ZNF816: variants seen among roughly 807,000 people sequenced by gnomAD.
The protein encoded by ZNF816 is zinc finger protein 816.
In ZNF816, 11 loss-of-function variants were observed where a neutral mutation model predicts 8.3. The ratio of observed to expected loss-of-function variants is 1.32; its 90% confidence interval spans 0.83 to 2.19. The LOEUF (loss-of-function observed/expected upper bound fraction) is 2.19. ZNF816 is among the 30% of genes most tolerant of loss of function. ZNF816 has a pLI of 0.00. For missense variants in ZNF816, 710 were observed against 779.3 expected, an observed-to-expected ratio of 0.91 and a Z score of 1.06; for synonymous variants, 255 against 254.5, an observed-to-expected ratio of 1.00 and a Z score of -0.02.
At chr19:52,952,246 G>A (rs2083466298) in intron 3 of ZNF816, among the ~76,000 whole-genome samples, 1 of 151,976 alleles carries the variant, frequency 6.6e-6, no homozygotes, top group African/African-American at 2.4e-5. Flanking sequence ...GCATGTGCCT[G>A]TAATTCCAGT....
intron 2 of ZNF816, among the ~76,000 whole-genome samples, chr19:52,955,247 A>G (rs892879986): frequency 1.3e-5 from 2 of 152,228 alleles, no homozygotes; most frequent in Non-Finnish European, 2.9e-5. Context: ...AGAATGATTT[A>G]AAGAATCCCC....
Position 52,949,705 on chromosome 19 carries a change from T to C in ZNF816, c.*114A>G. On this transcript the variant is annotated 3_prime_UTR_variant, in exon 4 of 4. Coordinates refer to ENST00000444460, the MANE Select transcript of ZNF816 (RefSeq NM_001202457.3). ...GAGTTCACTGATGAACTACAAGTTA[T>C]GAATGACGTCTGAAAAATTTGCCAC... The C allele has an allele frequency of 4.0e-6, 6 of 1,496,470 alleles. No homozygotes were observed. The highest frequency in any genetic ancestry group is 1.2e-5 in the South Asian group (1 of 86,674). The allele number at this position is 1,496,470 out of a possible 1,614,324, so 92.7% of individuals were successfully genotyped here.
At chr19:52,962,650 C>G (rs1366108451) in intron 1 of ZNF816, 77 bp downstream of exon 1, 1 of 152,244 alleles carries the variant, frequency 6.6e-6, no homozygotes. Flanking sequence ...TGCACGGCCC[C>G]ACTGCAGAAA....
At position 52,949,513 on chromosome 19, in the gene ZNF816, A is replaced by G; in HGVS notation, c.*306T>C. The G allele has an allele frequency of 1.7e-6, 1 of 600,836 alleles. No homozygotes were observed. Among genetic ancestry groups the G allele is most frequent in the Non-Finnish European group, 3.2e-6 (1 of 314,202 alleles). 37.2% of individuals were successfully genotyped at this position (600,836 alleles called of 1,614,324 possible). A position where few individuals can be genotyped will look rare whatever the true frequency, so the allele number is the denominator to read the frequency against. ...TACATTTGTAAGGCATCTGTCCAGT[A>G]TGAATTCTCTGATGTCTAATGAGGT... On this transcript the variant is annotated 3_prime_UTR_variant, in exon 4 of 4. Coordinates refer to ENST00000444460, the MANE Select transcript of ZNF816 (RefSeq NM_001202457.3).
intron 1 of ZNF816, among the ~76,000 whole-genome samples, chr19:52,959,049 C>T (rs562261576): frequency 2.0e-5 from 3 of 152,338 alleles, no homozygotes; most frequent in South Asian, 2.1e-4. Context: ...ACTGTGGGGC[C>T]CTGGCCGAGG....
At chr19:52,952,448 C>T (rs911964760) in intron 3 of ZNF816, 12 of 461,018 alleles carry the variant, frequency 2.6e-5, no homozygotes, top group South Asian at 9.1e-5. Flanking sequence ...CTTTCTATCT[C>T]GTATCCTGGG....
rs1456324238 is a variant in ZNF816 at position 52,956,065 on chromosome 19, T to C, written c.25A>G (p.Lys9Glu). 2 of 1,611,678 alleles carry C rather than the reference T, an allele frequency of 1.2e-6. No individual in the cohort carries two copies. Among genetic ancestry groups the C allele is most frequent in the Admixed American group, 1.7e-5 (1 of 58,980 alleles). The change falls in exon 2 of 4, where the codon AAG becomes GAG. Residue 9 changes from lysine (K) to glutamate (E), a missense_variant. Coordinates refer to ENST00000444460, the MANE Select transcript of ZNF816 (RefSeq NM_001202457.3). ...ATCCCTGGCTCCTTTTCTTTGCTCT[T>C]CTTGGTGGCTTCCTCACGTAACATG... MLREEATK[K>E]SKEKEPGMAL...
chr19:52,956,090 G>A lies in ZNF816; in HGVS notation c.-1C>T, dbSNP rs2083507805. ...TCTTGGTGGCTTCCTCACGTAACAT[G>A]AGTCTTTGGAAATCCTGTATGTTAA... On this transcript the variant is annotated 5_prime_UTR_variant, in exon 2 of 4. Transcript: ENST00000444460. 3.1e-6 allele frequency: 5 copies of A among 1,607,566 alleles called. No homozygotes were observed. The highest frequency in any genetic ancestry group is 1.4e-5 in the African/African-American group (1 of 74,040).
At chr19:52,962,044 A>C (rs922801448) in intron 1 of ZNF816, among the ~76,000 whole-genome samples, 8 of 152,190 alleles carry the variant, frequency 5.3e-5, no homozygotes, top group Non-Finnish European at 1.0e-4. Context: ...CAGCACAACA[A>C]GGACAGTCAC....
chr19:52,955,552 T>C (rs2083502670), intron 2 of ZNF816, among the ~76,000 whole-genome samples: 1 of 152,350 alleles, frequency 6.6e-6, no homozygotes, highest in South Asian at 2.1e-4. Flanking sequence ...CAGAGACATA[T>C]TGACTCACTA....
At chr19:52,953,551 TATATATAATATGTATTTATAAAA>T (rs2083482309) in intron 2 of ZNF816, among the ~76,000 whole-genome samples, 1 of 44,684 alleles carries the variant, frequency 2.2e-5, no homozygotes, top group Non-Finnish European at 3.6e-5. Flanking sequence ...AATACAATAT[TATATATAATATGTATTTATAAAA>T]TATAATATAT....
chr19:52,956,373 C>G (rs1055835489), intron 1 of ZNF816: 3 of 318,240 alleles, frequency 9.4e-6, no homozygotes, highest in African/African-American at 6.4e-5. Flanking sequence ...CTAGCCCTAA[C>G]CAAACTCCAT....
chr19:52,950,087 T>A lies in ZNF816; in HGVS notation c.1688A>T (p.Lys563Ile), dbSNP rs1049239244. 6.2e-6 allele frequency: 10 copies of A among 1,614,012 alleles called. No individual in the cohort carries two copies. Among genetic ancestry groups the A allele is most frequent in the Non-Finnish European group, 8.5e-6 (10 of 1,179,990 alleles). Reference sequence around the variant, plus strand: ...CGCACATTTATTACACTTGTAAGGTTTCTCTCCAGTATGAACTCTCGTATG... The same window carrying A: ...CGCACATTTATTACACTTGTAAGGTATCTCTCCAGTATGAACTCTCGTATG... The part of the protein sequence containing the change: ...ANHTRVHTGE[K>I]PYKCNKCAKV... Residue 563 changes from lysine to isoleucine, a missense_variant, in exon 4 of 4, where the codon AAA (lysine) becomes ATA (isoleucine). Coordinates refer to ENST00000444460, the MANE Select transcript of ZNF816 (RefSeq NM_001202457.3).
At chr19:52,952,563 TA>T in intron 3 of ZNF816, 187 bp downstream of exon 3, 2 of 1,141,398 alleles carry the variant, frequency 1.8e-6, no homozygotes, top group Non-Finnish European at 2.4e-6. Flanking sequence ...TGTTTTTATG[TA>T]AAACCACTCC....
At chr19:52,954,901 C>T (rs181252213) in intron 2 of ZNF816, among the ~76,000 whole-genome samples, 36 of 151,618 alleles carry the variant, frequency 2.4e-4, no homozygotes, top group South Asian at 6.3e-4. Flanking sequence ...AGGATTGCGC[C>T]GACTTGCCAC....
Position 52,952,874 on chromosome 19 carries a change from G to C in ZNF816, c.67C>G (p.Arg23Gly). 6.3e-7 allele frequency: 1 copy of C among 1,593,066 alleles called. No individual in the cohort carries two copies. The highest frequency in any genetic ancestry group is 8.5e-7 in the Non-Finnish European group (1 of 1,174,030). ...KEPGMALPQGRLTFRDVAIEF... is the reference protein window; with the variant it reads ...KEPGMALPQGGLTFRDVAIEF... ...ATAGCCACATCCCTGAAAGTCAAGCGTCCCTAAAATAAAAAACACGTTTCA... is the reference window on the plus strand; with the variant it reads ...ATAGCCACATCCCTGAAAGTCAAGCCTCCCTAAAATAAAAAACACGTTTCA... Residue 23 changes from arginine to glycine, a missense_variant, in exon 3 of 4, where the codon CGC (arginine) becomes GGC (glycine). Transcript: ENST00000444460.
chr19:52,952,945 G>A, intron 2 of ZNF816, 68 bp from the exon 3 acceptor site: 1 of 1,520,454 alleles, frequency 6.6e-7, no homozygotes, highest in South Asian at 1.3e-5. Context: ...CGTGAAATGA[G>A]AAAACAGAAA....
chr19:52,955,197 C>CA (rs905755038), intron 2 of ZNF816, among the ~76,000 whole-genome samples: 1 of 151,014 alleles, frequency 6.6e-6, no homozygotes, highest in African/African-American at 2.4e-5. Flanking sequence ...CAAAACAAAA[C>CA]AAAAAACAAA....
chr19:52,949,880 C>T lies in ZNF816; in HGVS notation c.1895G>A (p.Gly632Glu), dbSNP rs1242190709. The T allele has an allele frequency of 3.1e-6, 5 of 1,613,334 alleles. No individual in the cohort carries two copies. In the South Asian group the frequency reaches 5.5e-5, roughly 18 times the overall value. The change falls in exon 4 of 4, where the codon GGA becomes GAA. Residue 632 changes from glycine to glutamate, a missense_variant. By Grantham distance (98) the Gly-to-Glu change is moderately conservative. Coordinates refer to ENST00000444460, the MANE Select transcript of ZNF816 (RefSeq NM_001202457.3). The part of the protein sequence containing the change: ...KCNECGKAFT[G>E]QSTLIHHQAI... ...TTGATGGTGAATAAGTGTTGACTGT[C>T]CAGTAAAGGCTTTGCCACACTCATT...
Sources: gnomAD v4.1 joint callset for allele counts (sites outside exome capture counted in the v4.1 genomes callset) on GRCh38, gnomAD v4.1.1 for gene constraint, MANE v1.5 for transcripts, NCBI Gene and HGNC (gene_info 2026-07-23, HGNC 2026-07-21) for gene names.